GALNT13: variants seen among roughly 807,000 people sequenced by gnomAD.
GALNT13 encodes the protein UDP-GalNAc:polypeptide N-acetylgalactosaminyltransferase 13.
Under a neutral mutation model 64.2 loss-of-function variants are expected in GALNT13, and 28 were observed. That is an observed-to-expected ratio of 0.44 (90% confidence interval 0.32 to 0.60). The LOEUF (loss-of-function observed/expected upper bound fraction) is 0.60, where lower values mean the gene tolerates loss of function less well. Among genes scored for constraint, GALNT13 ranks in the 20% least tolerant of loss-of-function variants. The pLI is 0.05. For synonymous variants in GALNT13, 214 were observed against 224.6 expected, an observed-to-expected ratio of 0.95 and a Z score of 0.42; for missense variants, 577 against 669.8, an observed-to-expected ratio of 0.86 and a Z score of 1.53.
At position 154,024,677 on chromosome 2, in the gene GALNT13, C is replaced by G. The variant is rs190858204; in HGVS notation, c.142+80038C>G. Reference sequence around the variant, plus strand: ...CTCGGAGTAGTTTGATCGTCTGAAGCCTTCTTCTCTCAGCTTGTCAAACTC... The same window carrying G: ...CTCGGAGTAGTTTGATCGTCTGAAGGCTTCTTCTCTCAGCTTGTCAAACTC... On this transcript the variant is annotated intron_variant, in intron 3 of 12. Coordinates refer to ENST00000392825, the MANE Select transcript of GALNT13 (RefSeq NM_052917.4). Among the ~76,000 whole-genome samples, 370 of 152,214 alleles carry G rather than the reference C, an allele frequency of 2.4e-3. 4 individuals are homozygous for G. Among genetic ancestry groups the G allele is most frequent in the African/African-American group, 8.2e-3 (340 of 41,528 alleles).
the GALNT13 span, among the ~76,000 whole-genome samples, chr2:153,135,927 G>A: frequency 1.3e-5 from 2 of 152,042 alleles, no homozygotes; most frequent in Non-Finnish European, 2.9e-5. Context: ...ATAACATGAA[G>A]TACGAAACTC....
chr2:153,100,294 C>T, the GALNT13 span, among the ~76,000 whole-genome samples: 2 of 152,172 alleles, frequency 1.3e-5, no homozygotes, highest in Admixed American at 1.3e-4. Flanking sequence ...TGAGCACATG[C>T]CATAAATTGC....
At chr2:153,422,901 T>C in the GALNT13 span, among the ~76,000 whole-genome samples, 1 of 151,976 alleles carries the variant, frequency 6.6e-6, no homozygotes, top group South Asian at 2.1e-4. Context: ...GAAAAAAACA[T>C]GTATTTTAAA....
the GALNT13 span, among the ~76,000 whole-genome samples, chr2:153,633,485 A>T: frequency 5.9e-5 from 9 of 152,178 alleles, no homozygotes; most frequent in African/African-American, 1.7e-4. Context: ...AATGTTTCAT[A>T]TAGATAGATT....
At chr2:153,893,476 ATTAC>A (rs1388020219) in intron 1 of GALNT13, among the ~76,000 whole-genome samples, 1 of 152,060 alleles carries the variant, frequency 6.6e-6, no homozygotes, top group African/African-American at 2.4e-5. Context: ...GAATATGAAA[ATTAC>A]TTACATTTTT....
the GALNT13 span, among the ~76,000 whole-genome samples, chr2:153,474,574 G>A: frequency 3.9e-5 from 6 of 152,116 alleles, no homozygotes; most frequent in African/African-American, 1.4e-4. Context: ...GGGGAGATTC[G>A]TATCAACAAT....
At chr2:153,818,184 A>G in the GALNT13 span, among the ~76,000 whole-genome samples, 1 of 152,104 alleles carries the variant, frequency 6.6e-6, no homozygotes, top group South Asian at 2.1e-4. Flanking sequence ...GATCTTTGCA[A>G]TTCTGGGAAT....
intron 3 of GALNT13, among the ~76,000 whole-genome samples, chr2:154,044,892 A>C (rs956338630): frequency 2.6e-5 from 4 of 152,140 alleles, no homozygotes; most frequent in African/African-American, 7.2e-5. Context: ...TCTAGAGGGT[A>C]GATAGTCAGG....
Position 154,070,774 on chromosome 2 carries a change from G to A in GALNT13, c.143-69563G>A, listed in dbSNP as rs138196167. ...CTCTACTGACAGTACAAAATTAGCT[G>A]GGTGTGGTGGTAGGGGCCTATAATC... On this transcript the variant is annotated intron_variant, in intron 3 of 12. Coordinates refer to ENST00000392825, the MANE Select transcript of GALNT13 (RefSeq NM_052917.4). Among the ~76,000 whole-genome samples, 1,053 of 151,996 alleles carry A rather than the reference G, an allele frequency of 6.9e-3. 11 individuals are homozygous for A. Among genetic ancestry groups the A allele is most frequent in the African/African-American group, 0.023 (969 of 41,478 alleles).
At chr2:154,377,916 A>G (rs1263114432) in intron 9 of GALNT13, among the ~76,000 whole-genome samples, 1 of 152,166 alleles carries the variant, frequency 6.6e-6, no homozygotes, top group Non-Finnish European at 1.5e-5. Context: ...TGTTTTGATC[A>G]TATGATGCTG....
the GALNT13 span, among the ~76,000 whole-genome samples, chr2:153,684,432 T>C: frequency 2.0e-5 from 3 of 151,696 alleles, no homozygotes; most frequent in Non-Finnish European, 4.4e-5. Flanking sequence ...CTATTTTTTT[T>C]CTGCCTAGGA....
the GALNT13 span, among the ~76,000 whole-genome samples, chr2:153,767,794 T>TG: frequency 1.1e-4 from 11 of 99,254 alleles, no homozygotes; most frequent in African/African-American, 6.9e-4. Context: ...CTTTTTAATG[T>TG]TTTTTTTTTT....
intron 3 of GALNT13, among the ~76,000 whole-genome samples, chr2:154,108,107 A>C (rs1702723775): frequency 6.6e-6 from 1 of 152,010 alleles, no homozygotes; most frequent in South Asian, 2.1e-4. Flanking sequence ...CTTTTGGATA[A>C]ATACACAGAA....
At chr2:154,364,833 G>A (rs1035476788) in intron 9 of GALNT13, among the ~76,000 whole-genome samples, 1 of 152,096 alleles carries the variant, frequency 6.6e-6, no homozygotes, top group African/African-American at 2.4e-5. Context: ...ACCATACCTG[G>A]CTAATTTTTG....
intron 4 of GALNT13, among the ~76,000 whole-genome samples, chr2:154,164,394 G>C (rs1178453927): frequency 6.6e-6 from 1 of 152,118 alleles, no homozygotes; most frequent in East Asian, 1.9e-4. Flanking sequence ...GAAATTTGGA[G>C]TTATAGCTTA....
the GALNT13 span, among the ~76,000 whole-genome samples, chr2:153,659,410 A>C: frequency 6.6e-6 from 1 of 152,064 alleles, no homozygotes; most frequent in African/African-American, 2.4e-5. Context: ...ATAACACAAA[A>C]ATGAGTAATA....
Position 154,450,748 on chromosome 2 carries a change from G to T in GALNT13, c.*197G>T, listed in dbSNP as rs1701843627. Reference sequence around the variant, plus strand: ...ATTTGTATCTGATCAAAGCACATAAGAATATAAATAATAGCAAACTACTAT... The same window carrying T: ...ATTTGTATCTGATCAAAGCACATAATAATATAAATAATAGCAAACTACTAT... On this transcript the variant is annotated 3_prime_UTR_variant, in exon 13 of 13. Coordinates refer to ENST00000392825, the MANE Select transcript of GALNT13 (RefSeq NM_052917.4). 2 of 474,486 alleles carry T rather than the reference G, an allele frequency of 4.2e-6. No individual in the cohort carries two copies. Among genetic ancestry groups the T allele is most frequent in the Non-Finnish European group, 3.7e-6 (1 of 273,334 alleles). 29.4% of individuals were successfully genotyped at this position (474,486 alleles called of 1,614,324 possible).
At chr2:153,084,998 G>A in the GALNT13 span, among the ~76,000 whole-genome samples, 1 of 152,200 alleles carries the variant, frequency 6.6e-6, no homozygotes, top group Non-Finnish European at 1.5e-5. Context: ...CCAAAATGAT[G>A]ATAGTGACAT....
At chr2:153,070,239 G>A in the GALNT13 span, among the ~76,000 whole-genome samples, 1 of 152,166 alleles carries the variant, frequency 6.6e-6, no homozygotes, top group African/African-American at 2.4e-5. Flanking sequence ...TAAGATTCCA[G>A]CCATATGGCA....
Sources: allele counts gnomAD v4.1 joint callset (sites outside exome capture counted in the v4.1 genomes callset), GRCh38; gene constraint gnomAD v4.1.1; transcripts MANE v1.5; gene names NCBI Gene and HGNC (gene_info 2026-07-23, HGNC 2026-07-21).